Variants in DGKB observed in about 807,000 individuals in gnomAD.
DGKB encodes the protein diacylglycerol kinase beta, also known as 90 kDa diacylglycerol kinase.
A neutral mutation model predicts 114.3 loss-of-function variants in DGKB; 67 were observed. The observed-to-expected ratio is 0.59, with a 90% CI of 0.48 to 0.72. The LOEUF (loss-of-function observed/expected upper bound fraction) is 0.72. Ranked by LOEUF, DGKB falls within the 30% of genes least tolerant of loss-of-function variation. The pLI is 0.00. For missense variants in DGKB, 907 were observed against 975.2 expected, an observed-to-expected ratio of 0.93 and a Z score of 0.93; for synonymous variants, 398 against 323.1, an observed-to-expected ratio of 1.23 and a Z score of -2.49.
intron 1 of DGKB, among the ~76,000 whole-genome samples, chr7:14,936,996 C>G (rs1402689648): frequency 6.8e-6 from 1 of 147,048 alleles, no homozygotes; most frequent in African/African-American, 2.5e-5. Context: ...GTTATAAAAC[C>G]AGCTATTGAT....
intron 23 of DGKB, among the ~76,000 whole-genome samples, chr7:14,249,103 A>C (rs1361106651): frequency 2.0e-5 from 3 of 152,186 alleles, no homozygotes; most frequent in Non-Finnish European, 4.4e-5. Flanking sequence ...TTAGGGGATC[A>C]CATGGTTTTT....
chr7:14,250,829 T>C (rs1795126360), intron 23 of DGKB, among the ~76,000 whole-genome samples: 1 of 152,232 alleles, frequency 6.6e-6, no homozygotes, highest in African/African-American at 2.4e-5. Context: ...GGTGCGTATA[T>C]GCATACAGTT....
intron 1 of DGKB, among the ~76,000 whole-genome samples, chr7:14,884,295 T>C (rs1854682091): frequency 6.6e-6 from 1 of 151,998 alleles, no homozygotes; most frequent in South Asian, 2.1e-4. Context: ...ATATCCATTA[T>C]TGAAACGGAA....
intron 13 of DGKB, among the ~76,000 whole-genome samples, chr7:14,667,691 G>T (rs1818274362): frequency 6.6e-6 from 1 of 152,128 alleles, no homozygotes; most frequent in South Asian, 2.1e-4. Context: ...AAAGTTCGCA[G>T]ACTGAAAAGG....
rs62444606 is a variant in DGKB, at chr7:14,392,175, A to G, written c.1836-46784T>C. ...CTGACTTGGAGGTATGAATGCATGT[A>G]AATTTTCTCTGTATTAGCTTCATTT... On this transcript the variant is annotated intron_variant, in intron 21 of 25. Transcript: ENST00000402815. Among the ~76,000 whole-genome samples, 790 of 152,286 alleles carry G rather than the reference A, an allele frequency of 5.2e-3. 6 individuals are homozygous for G. The highest frequency in any genetic ancestry group is 0.017 in the Middle Eastern group (5 of 294).
At chr7:14,931,174 C>T (rs1784998885) in intron 1 of DGKB, among the ~76,000 whole-genome samples, 1 of 147,584 alleles carries the variant, frequency 6.8e-6, no homozygotes, top group African/African-American at 2.5e-5. Flanking sequence ...TGCAGTGGTG[C>T]TATCTCAGCT....
intron 1 of DGKB, among the ~76,000 whole-genome samples, chr7:14,927,100 G>T (rs542331918): frequency 6.6e-6 from 1 of 152,116 alleles, no homozygotes; most frequent in South Asian, 2.1e-4. Flanking sequence ...CAACTTTCAA[G>T]ACAGGCCATG....
intron 21 of DGKB, among the ~76,000 whole-genome samples, chr7:14,476,953 T>C (rs1033470432): frequency 1.3e-5 from 2 of 151,996 alleles, no homozygotes; most frequent in Non-Finnish European, 2.9e-5. Flanking sequence ...GGTTTCCTCA[T>C]GTTGGTCAGG....
chr7:14,747,601 T>C (rs1054834747), intron 4 of DGKB, among the ~76,000 whole-genome samples: 13 of 152,128 alleles, frequency 8.5e-5, no homozygotes, highest in African/African-American at 2.9e-4. Context: ...GCATCAGAGT[T>C]TCTATTGCTG....
chr7:14,804,050 C>T (rs890301228), intron 2 of DGKB, among the ~76,000 whole-genome samples: 9 of 148,982 alleles, frequency 6.0e-5, no homozygotes, highest in African/African-American at 2.3e-4. Context: ...GTTATTTCTT[C>T]ACATTGACTT....
chr7:14,164,444 A>C (rs986999603), intron 25 of DGKB, among the ~76,000 whole-genome samples: 1 of 152,222 alleles, frequency 6.6e-6, no homozygotes, highest in African/African-American at 2.4e-5. Context: ...ATGATATTTA[A>C]AGTTAAAGAA....
At chr7:14,964,414 C>A (rs1402402511) in intron 1 of DGKB, among the ~76,000 whole-genome samples, 1 of 152,138 alleles carries the variant, frequency 6.6e-6, no homozygotes, top group Non-Finnish European at 1.5e-5. Flanking sequence ...GTGGGAGAAT[C>A]ACATGAGCCC....
At chr7:14,368,566 A>AT (rs1291101280) in intron 21 of DGKB, among the ~76,000 whole-genome samples, 1 of 126,256 alleles carries the variant, frequency 7.9e-6, no homozygotes, top group Non-Finnish European at 1.7e-5. Context: ...TGCAAACGGT[A>AT]TTTTCTCTGT....
chr7:14,221,707 AT>A (rs1378676056), intron 23 of DGKB, among the ~76,000 whole-genome samples: 1 of 151,134 alleles, frequency 6.6e-6, no homozygotes, highest in Non-Finnish European at 1.5e-5. Flanking sequence ...ATTTCTCCTC[AT>A]TTTTTGGAAG....
chr7:14,335,303 A>G (rs571023773), intron 23 of DGKB, among the ~76,000 whole-genome samples: 1 of 152,314 alleles, frequency 6.6e-6, no homozygotes, highest in African/African-American at 2.4e-5. Flanking sequence ...TTAAAATAAA[A>G]GGGTAAACTT....
chr7:14,522,473 A>C (rs1476491880), intron 20 of DGKB, among the ~76,000 whole-genome samples: 1 of 152,142 alleles, frequency 6.6e-6, no homozygotes, highest in Non-Finnish European at 1.5e-5. Context: ...CATACTAACG[A>C]AATTGCCACC....
intron 21 of DGKB, among the ~76,000 whole-genome samples, chr7:14,400,210 A>T (rs1342836339): frequency 2.0e-5 from 3 of 151,846 alleles, no homozygotes; most frequent in Non-Finnish European, 4.4e-5. Flanking sequence ...AGTAATGCCA[A>T]ACATAATGCA....
chr7:14,340,524 A>G (rs764981360), intron 22 of DGKB, among the ~76,000 whole-genome samples: 14 of 151,476 alleles, frequency 9.2e-5, no homozygotes, highest in Admixed American at 2.0e-4. Context: ...AATTCCCACA[A>G]AGAAGTCTTC....
intron 13 of DGKB, among the ~76,000 whole-genome samples, chr7:14,636,783 A>T (rs1379273975): frequency 6.6e-6 from 1 of 151,922 alleles, no homozygotes; most frequent in East Asian, 1.9e-4. Flanking sequence ...TATTTGTCCC[A>T]AAATTGCTTA....
Sources: gnomAD v4.1 joint callset for allele counts (sites outside exome capture counted in the v4.1 genomes callset) on GRCh38, gnomAD v4.1.1 for gene constraint, MANE v1.5 for transcripts, NCBI Gene and HGNC (gene_info 2026-07-23, HGNC 2026-07-21) for gene names.